KNCN: variants seen among roughly 807,000 people sequenced by gnomAD.
KNCN encodes the protein kinocilin.
Under a neutral mutation model 10.4 loss-of-function variants are expected in KNCN, and 11 were observed. The ratio of observed to expected loss-of-function variants is 1.06; its 90% CI spans 0.67 to 1.75. The LOEUF is 1.75. KNCN is among the 40% of genes most tolerant of loss of function. The probability of loss-of-function intolerance (pLI) is 0.00; values close to 1 mark genes in which losing one functional copy is unlikely to be tolerated. For missense variants in KNCN, 172 were observed against 167.1 expected (o/e 1.03, Z -0.16); for synonymous variants, 67 against 71.6 (o/e 0.94, Z 0.33).
rs780681973 is a variant in KNCN, at chr1:46,551,129, G to A, written c.87C>T (p.Ile29=). 4 of 1,611,408 alleles carry A rather than the reference G, an allele frequency of 2.5e-6. No individual in the cohort carries two copies. Among genetic ancestry groups the A allele is most frequent in the African/African-American group, 2.7e-5 (2 of 74,810 alleles). ...CTGCAGCCTTGGATACGGAGATGCC[G>A]ATAATGATGCTGCCAGCCACCAGCC... The part of the protein sequence containing the change: ...ALGLVAGSII[I]GISVSKAAAA... Residue 29 remains isoleucine (I), a synonymous_variant, in exon 1 of 4, where the codon ATC becomes ATT. Coordinates refer to ENST00000481882, the MANE Select transcript of KNCN (RefSeq NM_001322255.2). The surrounding 1 kb of genome is among the most constrained non-coding windows in gnomAD (Gnocchi z 4.0).
intron 3 of KNCN, among the ~76,000 whole-genome samples, chr1:46,548,788 G>C (rs185198694): frequency 1.3e-5 from 2 of 152,328 alleles, no homozygotes; most frequent in South Asian, 4.1e-4. Context: ...AGGCCCCTTC[G>C]GCATGCCGCT....
chr1:46,548,209 C>T (rs74831640), intron 3 of KNCN, among the ~76,000 whole-genome samples: 8,223 of 152,046 alleles, frequency 0.054, 612 homozygotes, highest in East Asian at 0.27. Context: ...CTTAAAAGAG[C>T]GAATAATAGA....
chr1:46,550,929 G>A (rs1184432275), intron 1 of KNCN, 136 bp downstream of exon 1: 3 of 844,370 alleles, frequency 3.6e-6, no homozygotes, highest in Non-Finnish European at 5.4e-6. Context: ...TGGCGGCCTT[G>A]CTCACACCTC....
rs1380763141 is a variant in KNCN at position 46,547,338 on chromosome 1, C to T, written c.*392G>A. On this transcript the variant is annotated 3_prime_UTR_variant, in exon 4 of 4. Transcript: ENST00000481882. The stretch of plus-strand genomic sequence containing the variant: ...GTGGGCCTGTGGTTCACTTCTGTAG[C>T]CGGGTTAGAGCAAGGGACTGGGGCA... The T allele has an allele frequency of 2.1e-6, 1 of 473,368 alleles. No individual in the cohort carries two copies. Among genetic ancestry groups the T allele is most frequent in the South Asian group, 1.6e-5 (1 of 64,240 alleles). The allele number at this position is 473,368 out of a possible 1,614,324, so 29.3% of individuals were successfully genotyped here.
Position 46,547,238 on chromosome 1 carries a change from C to G in KNCN, c.*492G>C. ...TATTTGGAAAAGAATCTTGTCTAGC[C>G]CCTCTATTGGGCTAGTGAGCTCTAG... is the stretch of plus-strand genomic sequence containing the variant. On this transcript the variant is annotated 3_prime_UTR_variant, in exon 4 of 4. Transcript: ENST00000481882. The G allele has an allele frequency of 8.3e-6, 3 of 362,562 alleles. No individual in the cohort carries two copies. Among genetic ancestry groups the G allele is most frequent in the South Asian group, 6.2e-5 (3 of 48,426 alleles). The allele number at this position is 362,562 out of a possible 1,614,324, so 22.5% of individuals were successfully genotyped here. A position where few individuals can be genotyped will look rare whatever the true frequency, so the allele number is the denominator to read the frequency against.
intron 3 of KNCN, among the ~76,000 whole-genome samples, 191 bp from the exon 4 acceptor site, chr1:46,548,000 A>G (rs914967037): frequency 6.6e-6 from 1 of 152,100 alleles, no homozygotes; most frequent in African/African-American, 2.4e-5. Flanking sequence ...ACCTCCAGTC[A>G]GGATGGCTTT....
intron 3 of KNCN, 32 bp downstream of exon 3, chr1:46,549,160 AG>A: frequency 6.6e-7 from 1 of 1,524,400 alleles, no homozygotes; most frequent in Non-Finnish European, 8.9e-7. Flanking sequence ...AAAAGAAAAA[AG>A]AAGGATGGAC....
intron 1 of KNCN, among the ~76,000 whole-genome samples, chr1:46,550,658 C>T (rs1208157067): frequency 2.0e-5 from 3 of 152,134 alleles, no homozygotes; most frequent in South Asian, 2.1e-4. Context: ...GGAAAGAAGA[C>T]GAAACCCTTT....
chr1:46,549,836 G>A, intron 2 of KNCN, 98 bp downstream of exon 2: 1 of 1,545,506 alleles, frequency 6.5e-7, no homozygotes, highest in Non-Finnish European at 8.7e-7. Context: ...CTCACACATG[G>A]GCTCATCCCA....
At chr1:46,549,870 G>T (rs1667029759) in intron 2 of KNCN, 64 bp downstream of exon 2, 2 of 1,549,954 alleles carry the variant, frequency 1.3e-6, no homozygotes, top group African/African-American at 2.7e-5. Flanking sequence ...TCACAGACGA[G>T]CACACAAAGG....
At position 46,547,622 on chromosome 1, in the gene KNCN, A is replaced by G. The variant is rs1197447882; in HGVS notation, c.*108T>C. 5.8e-6 allele frequency: 5 copies of G among 855,640 alleles called. No homozygotes were observed. Among genetic ancestry groups the G allele is most frequent in the Non-Finnish European group, 9.8e-6 (5 of 511,406 alleles). 53.0% of individuals were successfully genotyped at this position (855,640 alleles called of 1,614,324 possible). On this transcript the variant is annotated 3_prime_UTR_variant, in exon 4 of 4. Transcript: ENST00000481882. ...TGTTCCCAGCCGCTCTGGGGTCTGC[A>G]GGGCCTGGCTTGTCTCCGGTCCGGG...
rs1460946798 is a variant in KNCN at position 46,547,784 on chromosome 1, C to G, written c.321G>C (p.Val107=). The change falls in exon 4 of 4, where the codon GTG becomes GTC. Residue 107 remains valine (V), a synonymous_variant. Coordinates refer to ENST00000481882, the MANE Select transcript of KNCN (RefSeq NM_001322255.2). ...GCTTCAGCTTCTCCAGGGTCCTGCT[C>G]ACGGTGGACAGGCTGCTGCGGGCTC... The part of the protein sequence containing the change: ...KEGARSSLST[V]SRTLEKLKPG... The G allele has an allele frequency of 2.0e-6, 3 of 1,465,380 alleles. No individual in the cohort carries two copies. The African/African-American group carries it at 4.3e-5, about 21-fold the overall frequency. 90.8% of individuals were successfully genotyped at this position (1,465,380 alleles called of 1,614,324 possible).
chr1:46,548,715 G>T (rs540450046), intron 3 of KNCN, among the ~76,000 whole-genome samples: 1 of 152,332 alleles, frequency 6.6e-6, no homozygotes, highest in Non-Finnish European at 1.5e-5. Flanking sequence ...TCAGCTTGGA[G>T]CAGCAAGGGT....
chr1:46,548,606 G>A (rs981663020), intron 3 of KNCN, among the ~76,000 whole-genome samples: 2 of 152,156 alleles, frequency 1.3e-5, no homozygotes, highest in African/African-American at 4.8e-5. Flanking sequence ...ACCTGGGGGA[G>A]GGGAAAGGGA....
At position 46,549,966 on chromosome 1, in the gene KNCN, C is replaced by G. The variant is rs61734408; in HGVS notation, c.188G>C (p.Arg63Pro). The change falls in exon 2 of 4, where the codon CGG (arginine) becomes CCG (proline). Residue 63 changes from arginine (R) to proline (P), a missense_variant. By Grantham distance (103) the Arg-to-Pro change is moderately radical (BLOSUM62 -2). Coordinates refer to ENST00000481882, the MANE Select transcript of KNCN (RefSeq NM_001322255.2). ...LILAYPFLKA[R>P]FNLDHILPTI... is the part of the protein sequence containing the mutation. Reference sequence around the variant, plus strand: ...AGGCAGGATGTGGTCCAGGTTGAACCGAGCCTTCAGGAAGGGGTAGGCCAA... The same window carrying G: ...AGGCAGGATGTGGTCCAGGTTGAACGGAGCCTTCAGGAAGGGGTAGGCCAA... 5,161 of 1,550,504 alleles carry G rather than the reference C, an allele frequency of 3.3e-3. 108 individuals carry two copies. The Admixed American group carries it at 0.036, about 11-fold the overall frequency.
chr1:46,549,893 C>T (rs972760880), intron 2 of KNCN, 41 bp downstream of exon 2: 19 of 1,550,384 alleles, frequency 1.2e-5, no homozygotes, highest in Non-Finnish European at 1.5e-5. Context: ...CTGGAACAGT[C>T]CTTGGCAGAG....
intron 3 of KNCN, among the ~76,000 whole-genome samples, chr1:46,548,643 C>T (rs1243918752): frequency 1.3e-5 from 2 of 152,138 alleles, no homozygotes; most frequent in Admixed American, 6.5e-5. Flanking sequence ...GGGAGGTGCC[C>T]TCATTCCAGT....
intron 1 of KNCN, 126 bp downstream of exon 1, chr1:46,550,939 C>T (rs1444163418): frequency 4.1e-6 from 4 of 968,450 alleles, no homozygotes; most frequent in Non-Finnish European, 6.0e-6. Flanking sequence ...GCTCACACCT[C>T]TAGCTTCCGT....
chr1:46,549,003 T>C (rs1667005987), intron 3 of KNCN, among the ~76,000 whole-genome samples, 190 bp downstream of exon 3: 1 of 151,960 alleles, frequency 6.6e-6, no homozygotes, highest in Non-Finnish European at 1.5e-5. Context: ...TAGCCAGGCG[T>C]GGTGGCACAT....
Sources: allele counts gnomAD v4.1 joint callset (sites outside exome capture counted in the v4.1 genomes callset), GRCh38; gene constraint gnomAD v4.1.1; non-coding constraint Gnocchi (gnomAD v3.1); transcripts MANE v1.5; gene names NCBI Gene and HGNC (gene_info 2026-07-23, HGNC 2026-07-21).